Variants in DACH2 observed in about 807,000 individuals in gnomAD.
DACH2 encodes dachshund family transcription factor 2.
Under a neutral mutation model 35.8 loss-of-function variants are expected in DACH2, and 17 were observed. The ratio of observed to expected loss-of-function variants is 0.48; its 90% CI spans 0.33 to 0.71. DACH2 has a LOEUF of 0.71. Ranked by LOEUF, DACH2 falls within the 30% of genes least tolerant of loss-of-function variation. The pLI is 0.02. For synonymous variants in DACH2, 195 were observed against 177.3 expected, an observed-to-expected ratio of 1.10 and a Z score of -0.79; for missense variants, 469 against 472.7, an observed-to-expected ratio of 0.99 and a Z score of 0.07.
intron 1 of DACH2, among the ~76,000 whole-genome samples, chrX:86,332,173 T>G (rs2035225449): frequency 9.0e-6 from 1 of 111,559 alleles, no homozygotes; most frequent in South Asian, 3.7e-4. Flanking sequence ...GGTAAAATTT[T>G]TATGGCATGT....
chrX:86,423,943 C>A (rs1344381646), intron 2 of DACH2, among the ~76,000 whole-genome samples: 2 of 110,924 alleles, frequency 1.8e-5, no homozygotes, highest in Non-Finnish European at 3.8e-5. Context: ...AAGAAACCAT[C>A]TTTACCCCAG....
chrX:86,769,200 C>A (rs916105990), intron 7 of DACH2, among the ~76,000 whole-genome samples: 4 of 111,600 alleles, frequency 3.6e-5, no homozygotes, highest in Non-Finnish European at 7.5e-5. Flanking sequence ...AATTCACCAA[C>A]AAAATAGATA....
At chrX:86,426,162 A>G (rs1020342075) in intron 2 of DACH2, among the ~76,000 whole-genome samples, 2 of 111,379 alleles carry the variant, frequency 1.8e-5, no homozygotes, top group Non-Finnish European at 3.8e-5. Context: ...TGTACACATA[A>G]AGTTAGCTAG....
intron 4 of DACH2, among the ~76,000 whole-genome samples, chrX:86,651,852 C>T (rs1013724793): frequency 8.1e-5 from 9 of 110,544 alleles, no homozygotes; most frequent in Non-Finnish European, 1.1e-4. Flanking sequence ...GATGGATGGA[C>T]GGATGGAAAG....
chrX:86,687,063 A>G (rs1175675738), intron 4 of DACH2, among the ~76,000 whole-genome samples: 3 of 112,321 alleles, frequency 2.7e-5, no homozygotes, highest in African/African-American at 9.7e-5. Context: ...TGTGGTGAGT[A>G]CTTATATTTT....
chrX:86,599,930 A>G (rs918847628), intron 3 of DACH2, among the ~76,000 whole-genome samples: 11 of 111,543 alleles, frequency 9.9e-5, no homozygotes, highest in Non-Finnish European at 2.1e-4. Context: ...CTACCATATG[A>G]CATGTGGTTT....
intron 4 of DACH2, among the ~76,000 whole-genome samples, chrX:86,651,754 G>A (rs896398308): frequency 9.0e-6 from 1 of 110,739 alleles, no homozygotes; most frequent in African/African-American, 3.3e-5. Context: ...CTTTTACCCC[G>A]TGATCATTGT....
chrX:86,544,335 T>C (rs1319289557), intron 3 of DACH2, among the ~76,000 whole-genome samples: 1 of 110,751 alleles, frequency 9.0e-6, no homozygotes, highest in Non-Finnish European at 1.9e-5. Flanking sequence ...CTAAGACATA[T>C]AGTCATCAGA....
intron 7 of DACH2, among the ~76,000 whole-genome samples, chrX:86,780,450 T>C (rs1234285851): frequency 8.9e-6 from 1 of 111,800 alleles, no homozygotes; most frequent in Non-Finnish European, 1.9e-5. Flanking sequence ...AATAAAAATA[T>C]ACAAGAGATG....
intron 2 of DACH2, among the ~76,000 whole-genome samples, chrX:86,387,399 C>A (rs1444925240): frequency 2.7e-5 from 3 of 111,288 alleles, no homozygotes; most frequent in Non-Finnish European, 5.7e-5. Context: ...AACTAGTATT[C>A]CATAAAATGC....
chrX:86,344,211 AAAAAT>A (rs2035460254), intron 1 of DACH2, among the ~76,000 whole-genome samples: 1 of 109,552 alleles, frequency 9.1e-6, no homozygotes, highest in African/African-American at 3.3e-5. Context: ...CACATAAATT[AAAAAT>A]AAAATTAAAT....
chrX:86,655,226 A>T (rs1203597739), intron 4 of DACH2, among the ~76,000 whole-genome samples: 1 of 112,006 alleles, frequency 8.9e-6, no homozygotes, highest in Non-Finnish European at 1.9e-5. Flanking sequence ...TTTAATCCAA[A>T]GGACAGCTAG....
intron 3 of DACH2, among the ~76,000 whole-genome samples, chrX:86,588,203 A>G (rs1176625571): frequency 1.8e-5 from 2 of 110,527 alleles, no homozygotes; most frequent in Non-Finnish European, 3.8e-5. Context: ...TTTTCTAGGC[A>G]GTCTATTCTT....
intron 1 of DACH2, among the ~76,000 whole-genome samples, chrX:86,257,981 A>T (rs772999180): frequency 4.0e-4 from 44 of 111,027 alleles, no homozygotes; most frequent in African/African-American, 1.4e-3. Context: ...AACTCAGACA[A>T]ATTCTGCCTC....
At chrX:86,196,610 G>A (rs1371879741) in intron 1 of DACH2, among the ~76,000 whole-genome samples, 8 of 99,911 alleles carry the variant, frequency 8.0e-5, no homozygotes, top group African/African-American at 2.6e-4. Flanking sequence ...GGAGAATGGC[G>A]TGAACCCAGG....
At chrX:86,220,165 CAAAAAAAAAAAAA>C (rs57964243) in intron 1 of DACH2, among the ~76,000 whole-genome samples, 1 of 50,083 alleles carries the variant, frequency 2.0e-5, no homozygotes, top group Non-Finnish European at 3.5e-5. Context: ...GACTCCATCT[CAAAAAAAAAAAAA>C]AAAAAAAAAA....
intron 2 of DACH2, among the ~76,000 whole-genome samples, chrX:86,501,164 T>A (rs769914288): frequency 8.9e-6 from 1 of 112,619 alleles, no homozygotes; most frequent in Admixed American, 9.4e-5. Flanking sequence ...TTTATTTTCA[T>A]AATTACCCTT....
chrX:86,349,400 A>G (rs2035553741), intron 1 of DACH2, among the ~76,000 whole-genome samples: 2 of 111,612 alleles, frequency 1.8e-5, no homozygotes, highest in African/African-American at 3.3e-5. Flanking sequence ...CTAGGGTCTC[A>G]GGGTTTTTAT....
chrX:86,293,828 C>G (rs1235282522), intron 1 of DACH2, among the ~76,000 whole-genome samples: 1 of 110,765 alleles, frequency 9.0e-6, no homozygotes, highest in Non-Finnish European at 1.9e-5. Flanking sequence ...TGAGGGTAAC[C>G]CTATGTTTCT....
Sources: allele counts gnomAD v4.1 joint callset (sites outside exome capture counted in the v4.1 genomes callset), GRCh38; gene constraint gnomAD v4.1.1; transcripts MANE v1.5; gene names NCBI Gene and HGNC (gene_info 2026-07-23, HGNC 2026-07-21).